The following MAPK10 variants were observed in gnomAD, a reference collection of about 807,000 sequenced individuals.
The protein encoded by MAPK10 is mitogen-activated protein kinase 10, also known as JNK3 alpha protein kinase.
MAPK10 carries 25 observed loss-of-function variants against 59.3 expected under a neutral mutation model. The ratio of observed to expected loss-of-function variants is 0.42; its 90% CI spans 0.31 to 0.59. The LOEUF is 0.59. Ranked by LOEUF, MAPK10 falls within the 20% of genes least tolerant of loss-of-function variation. The pLI is 0.15. For synonymous variants in MAPK10, 190 were observed against 200.5 expected (o/e 0.95, Z 0.44); for missense variants, 351 against 568.9 (o/e 0.62, Z 3.90).
intron 1 of MAPK10, among the ~76,000 whole-genome samples, chr4:86,407,140 G>T (rs955950302): frequency 6.6e-6 from 1 of 152,136 alleles, no homozygotes; most frequent in East Asian, 1.9e-4. Context: ...TTGCTAAAAG[G>T]TGCATTTACC....
chr4:86,289,242 T>C (rs1169955523), intron 2 of MAPK10, among the ~76,000 whole-genome samples: 1 of 152,172 alleles, frequency 6.6e-6, no homozygotes, highest in Non-Finnish European at 1.5e-5. Flanking sequence ...GGGAAGGTTA[T>C]GTCTTGAGAT....
chr4:86,267,537 T>C lies in MAPK10; in HGVS notation c.-6-73130A>G, dbSNP rs7661648. ...TGAGTAAAAGGCAAATTGTTCACAA[T>C]GGTCTATAACATCTTAAATGATCTG... is the stretch of plus-strand genomic sequence containing the variant. On this transcript the variant is annotated intron_variant, in intron 2 of 13. Coordinates refer to ENST00000641462, the MANE Select transcript of MAPK10 (RefSeq NM_138982.4). Among the ~76,000 whole-genome samples, 943 of 152,286 alleles carry C rather than the reference T, an allele frequency of 6.2e-3. 6 individuals are homozygous for C. The highest frequency in any genetic ancestry group is 0.021 in the African/African-American group (885 of 41,562).
intron 1 of MAPK10, among the ~76,000 whole-genome samples, chr4:86,575,178 A>C (rs1466759493): frequency 1.3e-5 from 2 of 152,164 alleles, no homozygotes; most frequent in African/African-American, 4.8e-5. Context: ...TTAGACTAAG[A>C]TTCGCACTGA....
chr4:86,353,160 C>T (rs1458677033), intron 2 of MAPK10, among the ~76,000 whole-genome samples: 1 of 152,160 alleles, frequency 6.6e-6, no homozygotes, highest in African/African-American at 2.4e-5. Flanking sequence ...CTCTGATGCA[C>T]TTCCTTTGGC....
intron 3 of MAPK10, among the ~76,000 whole-genome samples, chr4:86,177,791 C>T (rs1276694228): frequency 6.6e-6 from 1 of 151,974 alleles, no homozygotes. Context: ...TTGAAAAACA[C>T]TGTGCCAAAA....
At chr4:86,165,971 T>G (rs1016330788) in intron 3 of MAPK10, among the ~76,000 whole-genome samples, 1 of 152,080 alleles carries the variant, frequency 6.6e-6, no homozygotes, top group African/African-American at 2.4e-5. Flanking sequence ...TTATTTTCAA[T>G]TATGTTGGAA....
chr4:86,171,323 G>T (rs937385054), intron 3 of MAPK10, among the ~76,000 whole-genome samples: 1 of 152,076 alleles, frequency 6.6e-6, no homozygotes, highest in Non-Finnish European at 1.5e-5. Context: ...TTGATAGACT[G>T]CTAGCAAGAT....
At chr4:86,089,499 A>G (rs1432210704) in intron 9 of MAPK10, 2 of 457,400 alleles carry the variant, frequency 4.4e-6, no homozygotes, top group Non-Finnish European at 7.8e-6. Context: ...ACACTACCCA[A>G]TGCTACCTAA....
intron 1 of MAPK10, among the ~76,000 whole-genome samples, chr4:86,385,993 A>T (rs1400467029): frequency 6.6e-6 from 1 of 152,216 alleles, no homozygotes; most frequent in Non-Finnish European, 1.5e-5. Flanking sequence ...CATAAAAAAA[A>T]TTATTTAAAA....
At chr4:86,421,294 T>A (rs563260655) in intron 1 of MAPK10, among the ~76,000 whole-genome samples, 3 of 152,258 alleles carry the variant, frequency 2.0e-5, no homozygotes, top group East Asian at 1.9e-4. Context: ...TTTGGATTAG[T>A]GGGCACTGTG....
chr4:86,443,236 G>GAA (rs760385391), intron 1 of MAPK10, among the ~76,000 whole-genome samples: 1 of 143,580 alleles, frequency 7.0e-6, no homozygotes, highest in Non-Finnish European at 1.5e-5. Flanking sequence ...AGTGAAAATG[G>GAA]AAAAAAAAAA....
intron 3 of MAPK10, among the ~76,000 whole-genome samples, chr4:86,162,886 C>A (rs7440491): frequency 0.67 from 102,458 of 151,944 alleles, 37,622 homozygotes; most frequent in East Asian, 0.92. Context: ...TGGGGATGCA[C>A]ACTGGAGAAA....
intron 1 of MAPK10, among the ~76,000 whole-genome samples, chr4:86,413,159 C>T (rs1267031305): frequency 6.6e-6 from 1 of 152,136 alleles, no homozygotes; most frequent in East Asian, 1.9e-4. Flanking sequence ...AACAGTCAGG[C>T]CCCTCAGCTG....
chr4:86,440,428 A>T (rs1749267460), intron 1 of MAPK10, among the ~76,000 whole-genome samples: 1 of 152,122 alleles, frequency 6.6e-6, no homozygotes, highest in Non-Finnish European at 1.5e-5. Context: ...TGAACCTAGG[A>T]GTTCAAGATC....
chr4:86,398,035 G>C (rs905776207), intron 1 of MAPK10, among the ~76,000 whole-genome samples: 2 of 151,816 alleles, frequency 1.3e-5, no homozygotes, highest in Non-Finnish European at 2.9e-5. Context: ...AAACTATCAC[G>C]ACTCCTAACA....
Position 86,017,928 on chromosome 4 carries a change from G to A in MAPK10, c.1253-558C>T, listed in dbSNP as rs142037566. The stretch of plus-strand genomic sequence containing the variant: ...AGTAGAGATGAGGTTTCAACATGTT[G>A]GCCAGAATGGTCTCGATCTCTTGAC... On this transcript the variant is annotated intron_variant, in intron 13 of 13. Transcript: ENST00000641462. This position sits in a 1 kb window ranked among gnomAD's most constrained non-coding sequence, Gnocchi z 4.4. Among the ~76,000 whole-genome samples, 2,711 of 152,174 alleles carry A rather than the reference G, an allele frequency of 0.018. 79 individuals are homozygous for A. Among genetic ancestry groups the A allele is most frequent in the African/African-American group, 0.063 (2,599 of 41,522 alleles).
intron 3 of MAPK10, among the ~76,000 whole-genome samples, chr4:86,160,013 AAT>A (rs564600134): frequency 3.9e-5 from 6 of 152,054 alleles, no homozygotes; most frequent in Non-Finnish European, 8.8e-5. Flanking sequence ...TGTCCTCATT[AAT>A]ATCACAAATG....
At chr4:86,152,011 A>T (rs2066592184) in intron 4 of MAPK10, 1 of 152,204 alleles carries the variant, frequency 6.6e-6, no homozygotes, top group African/African-American at 2.4e-5. Context: ...TGTGAGAAAA[A>T]GCAGCTCCTC....
intron 1 of MAPK10, among the ~76,000 whole-genome samples, chr4:86,573,757 T>A (rs897917898): frequency 1.3e-5 from 2 of 152,216 alleles, no homozygotes; most frequent in Non-Finnish European, 2.9e-5. Context: ...TCTCATTTCA[T>A]TCACCAATGT....
Sources: allele counts gnomAD v4.1 joint callset (sites outside exome capture counted in the v4.1 genomes callset), GRCh38; gene constraint gnomAD v4.1.1; non-coding constraint Gnocchi (gnomAD v3.1); transcripts MANE v1.5; gene names NCBI Gene and HGNC (gene_info 2026-07-23, HGNC 2026-07-21).